The following DDR2 variants were observed in gnomAD, a reference collection of about 807,000 sequenced individuals.
The protein encoded by DDR2 is discoidin domain-containing receptor 2.
A neutral mutation model predicts 94.9 loss-of-function variants in DDR2; 27 were observed. That is an observed-to-expected ratio of 0.28 (90% confidence interval 0.21 to 0.39). The LOEUF (loss-of-function observed/expected upper bound fraction) is 0.39. Among genes scored for constraint, DDR2 ranks in the 10% least tolerant of loss-of-function variants. The pLI is 1.00. For missense variants in DDR2, 783 were observed against 1,076.0 expected, an observed-to-expected ratio of 0.73 and a Z score of 3.81; for synonymous variants, 382 against 377.2, an observed-to-expected ratio of 1.01 and a Z score of -0.15.
rs1657747539 is a variant in DDR2, at chr1:162,652,456, T to A, written c.-191-2755T>A. 2.0e-5 allele frequency among the ~76,000 whole-genome samples: 3 copies of A among 152,236 alleles called. No individual in the cohort carries two copies. The South Asian group carries it at 6.2e-4, about 32-fold the overall frequency. ...AGACACTCCAGGAAATTCCTTTTGTTTGGAAAAGAAAAATGCTCTGCCATC... is the reference window on the plus strand; with the variant it reads ...AGACACTCCAGGAAATTCCTTTTGTATGGAAAAGAAAAATGCTCTGCCATC... On this transcript the variant is annotated intron_variant, in intron 1 of 17. Coordinates refer to ENST00000367921, the MANE Select transcript of DDR2 (RefSeq NM_006182.4).
chr1:162,763,971 G>A (rs1663875210), intron 9 of DDR2, among the ~76,000 whole-genome samples: 1 of 152,038 alleles, frequency 6.6e-6, no homozygotes, highest in African/African-American at 2.4e-5. Context: ...CGTAACTATT[G>A]AACATTAAGA....
chr1:162,697,228 G>A (rs542314930), intron 2 of DDR2, among the ~76,000 whole-genome samples: 1 of 148,224 alleles, frequency 6.7e-6, no homozygotes, highest in South Asian at 2.1e-4. Flanking sequence ...AGACGAGATG[G>A]AGTTAGAGAC....
chr1:162,774,710 C>T (rs1309754238), intron 14 of DDR2, among the ~76,000 whole-genome samples: 2 of 152,084 alleles, frequency 1.3e-5, no homozygotes, highest in Non-Finnish European at 2.9e-5. Flanking sequence ...TCCGTTGTTC[C>T]GATCGGTGAA....
At chr1:162,737,456 A>G (rs1191205357) in intron 3 of DDR2, among the ~76,000 whole-genome samples, 2 of 133,586 alleles carry the variant, frequency 1.5e-5, no homozygotes, top group Non-Finnish European at 3.2e-5. Context: ...ATGTTTTCCA[A>G]TTTCATCCAT....
chr1:162,652,906 A>G (rs1465475702), intron 1 of DDR2, among the ~76,000 whole-genome samples: 3 of 151,850 alleles, frequency 2.0e-5, no homozygotes, highest in African/African-American at 7.3e-5. Context: ...GGAGTTAGAG[A>G]TCAGCCTGGG....
chr1:162,746,267 G>A (rs987512276), intron 3 of DDR2, among the ~76,000 whole-genome samples: 4 of 152,198 alleles, frequency 2.6e-5, no homozygotes, highest in Admixed American at 2.6e-4. Flanking sequence ...GACACTCCCA[G>A]CCTAATACTG....
chr1:162,756,974 T>TA (rs1483314879), intron 7 of DDR2, among the ~76,000 whole-genome samples: 1 of 152,190 alleles, frequency 6.6e-6, no homozygotes, highest in Non-Finnish European at 1.5e-5. Context: ...TATTCAAAGG[T>TA]AATGGAGTCA....
At chr1:162,778,182 A>G (rs1647692791) in intron 16 of DDR2, among the ~76,000 whole-genome samples, 1 of 152,178 alleles carries the variant, frequency 6.6e-6, no homozygotes, top group Non-Finnish European at 1.5e-5. Context: ...TGAACTGGTA[A>G]ATGAGAGTCC....
chr1:162,661,667 T>C (rs1223693477), intron 2 of DDR2, among the ~76,000 whole-genome samples: 2 of 152,122 alleles, frequency 1.3e-5, no homozygotes. Context: ...AGCCGGAGGT[T>C]GTAGGAGGAG....
intron 2 of DDR2, among the ~76,000 whole-genome samples, chr1:162,664,662 G>A (rs1658459356): frequency 6.6e-6 from 1 of 152,098 alleles, no homozygotes; most frequent in African/African-American, 2.4e-5. Context: ...ATGAAAATAT[G>A]CCAAATTGTT....
chr1:162,734,030 G>A (rs1180928292), intron 3 of DDR2, among the ~76,000 whole-genome samples: 2 of 151,980 alleles, frequency 1.3e-5, no homozygotes, highest in Non-Finnish European at 2.9e-5. Flanking sequence ...CTCCCCTACC[G>A]GAATGTAAGA....
chr1:162,695,494 G>A (rs1282149553), intron 2 of DDR2, among the ~76,000 whole-genome samples: 5 of 152,158 alleles, frequency 3.3e-5, no homozygotes, highest in African/African-American at 1.2e-4. Flanking sequence ...GCCTCCCAAA[G>A]TGCTGGGATT....
chr1:162,715,567 T>A (rs781070624), intron 2 of DDR2, among the ~76,000 whole-genome samples: 15 of 151,968 alleles, frequency 9.9e-5, no homozygotes, highest in Non-Finnish European at 2.9e-5. Context: ...GATCAAAGGA[T>A]GATATAGTGT....
chr1:162,728,184 A>G (rs1661814687), intron 3 of DDR2, among the ~76,000 whole-genome samples: 1 of 140,520 alleles, frequency 7.1e-6, no homozygotes, highest in Admixed American at 7.1e-5. Context: ...ATATCTCTTT[A>G]TATATATATA....
chr1:162,734,099 C>T (rs1377686533), intron 3 of DDR2, among the ~76,000 whole-genome samples: 7 of 152,074 alleles, frequency 4.6e-5, no homozygotes, highest in East Asian at 3.8e-4. Flanking sequence ...GAAGAACACC[C>T]GATACACAGC....
intron 3 of DDR2, among the ~76,000 whole-genome samples, chr1:162,733,670 T>A (rs1210320641): frequency 1.3e-5 from 2 of 152,216 alleles, no homozygotes; most frequent in Non-Finnish European, 2.9e-5. Flanking sequence ...CTCTGCCTTT[T>A]CATCTACTTA....
intron 1 of DDR2, among the ~76,000 whole-genome samples, chr1:162,647,103 C>T (rs1282465250): frequency 2.6e-5 from 4 of 152,144 alleles, no homozygotes; most frequent in Admixed American, 2.0e-4. Flanking sequence ...TTAAATATCA[C>T]TTAATATACT....
In DDR2 at chr1:162,715,461, G is replaced by A. The variant is rs115657872; in HGVS notation, c.-27-3576G>A. 7.2e-3 allele frequency among the ~76,000 whole-genome samples: 1,090 copies of A among 152,220 alleles called. 13 individuals are homozygous for A. Among genetic ancestry groups the A allele is most frequent in the African/African-American group, 0.025 (1,036 of 41,522 alleles). On this transcript the variant is annotated intron_variant, in intron 2 of 17. Transcript: ENST00000367921. ...GAAACTTCTTGGCGGAGGTCCTTAG[G>A]CAAAAGAAAATGGAAGAAAAAGAAA...
At chr1:162,688,368 C>T (rs1659793532) in intron 2 of DDR2, among the ~76,000 whole-genome samples, 1 of 152,196 alleles carries the variant, frequency 6.6e-6, no homozygotes, top group African/African-American at 2.4e-5. Context: ...GTGTTTTACA[C>T]AGGTTAACTC....
Sources: gnomAD v4.1 joint callset for allele counts (sites outside exome capture counted in the v4.1 genomes callset) on GRCh38, gnomAD v4.1.1 for gene constraint, MANE v1.5 for transcripts, NCBI Gene and HGNC (gene_info 2026-07-23, HGNC 2026-07-21) for gene names.